Variants in ARHGAP26 observed in about 807,000 individuals in gnomAD.
ARHGAP26 encodes the protein rho GTPase-activating protein 26.
In ARHGAP26, 38 loss-of-function variants were observed where a neutral mutation model predicts 104.8. The observed-to-expected ratio is 0.36, with a 90% CI of 0.28 to 0.48. The LOEUF (loss-of-function observed/expected upper bound fraction) is 0.48, where lower values mean the gene tolerates loss of function less well. ARHGAP26 is among the 20% of genes least tolerant of loss of function. The pLI, the probability that ARHGAP26 is intolerant of heterozygous loss-of-function variation, is 0.99. For synonymous variants in ARHGAP26, 341 were observed against 340.0 expected, an observed-to-expected ratio of 1.00 and a Z score of -0.03; for missense variants, 704 against 947.9, an observed-to-expected ratio of 0.74 and a Z score of 3.38.
chr5:143,085,748 A>G (rs1206350057), intron 17 of ARHGAP26, among the ~76,000 whole-genome samples: 2 of 152,218 alleles, frequency 1.3e-5, no homozygotes, highest in African/African-American at 4.8e-5. Flanking sequence ...AGTGAGTGCC[A>G]AAAGTTAGCT....
chr5:143,062,069 C>T (rs1331108927), intron 17 of ARHGAP26, among the ~76,000 whole-genome samples: 10 of 152,170 alleles, frequency 6.6e-5, no homozygotes, highest in African/African-American at 1.2e-4. Context: ...AGACAGCCCA[C>T]GGTGTCTACA....
At chr5:142,911,235 C>A (rs1460937664) in intron 9 of ARHGAP26, among the ~76,000 whole-genome samples, 1 of 152,174 alleles carries the variant, frequency 6.6e-6, no homozygotes, top group Non-Finnish European at 1.5e-5. Flanking sequence ...TATTTTCCTG[C>A]TGCTCTCAGG....
rs1291307850 is a variant in ARHGAP26 at position 143,191,593 on chromosome 5, G to C, written c.1989-15605G>C. ...TGGGCTAAAGTAGACATTTGTTAAA[G>C]AGATCAATCTAAAGAAAATATTAAG... On this transcript the variant is annotated intron_variant, in intron 20 of 22. Transcript: ENST00000645722. Among the ~76,000 whole-genome samples, 4 of 152,168 alleles carry C rather than the reference G, an allele frequency of 2.6e-5. No homozygotes were observed. The East Asian group carries it at 7.7e-4, about 29-fold the overall frequency.
Position 142,966,848 on chromosome 5 carries a change from G to A in ARHGAP26, c.1107+34723G>A, listed in dbSNP as rs536032877. 7.2e-5 allele frequency among the ~76,000 whole-genome samples: 11 copies of A among 152,128 alleles called. No homozygotes were observed. The South Asian group carries it at 2.1e-3, about 29-fold the overall frequency. On this transcript the variant is annotated intron_variant, in intron 11 of 22. Transcript: ENST00000645722. ...TAATAATCTGTGTTTTAGCCAACAG[G>A]GCAATAAGTAAACTATGGTATGACA... is the stretch of plus-strand genomic sequence containing the variant.
intron 1 of ARHGAP26, among the ~76,000 whole-genome samples, chr5:142,865,478 G>GTTTTTTTT (rs35950662): frequency 1.7e-5 from 2 of 117,222 alleles, no homozygotes; most frequent in Non-Finnish European, 3.5e-5. Context: ...ACACGGAGAA[G>GTTTTTTTT]TTTTTTTTTT....
intron 11 of ARHGAP26, among the ~76,000 whole-genome samples, chr5:143,013,335 A>G (rs896513745): frequency 1.3e-5 from 2 of 152,210 alleles, no homozygotes; most frequent in Non-Finnish European, 2.9e-5. Flanking sequence ...CACAAAGCAT[A>G]AAATGTTAAT....
chr5:142,846,166 T>C (rs1402636509), intron 1 of ARHGAP26, among the ~76,000 whole-genome samples: 1 of 152,236 alleles, frequency 6.6e-6, no homozygotes, highest in Non-Finnish European at 1.5e-5. Context: ...AGCTGACTCA[T>C]GTTGAGTTAT....
chr5:142,943,950 C>T (rs1766743888), intron 11 of ARHGAP26, among the ~76,000 whole-genome samples: 1 of 152,122 alleles, frequency 6.6e-6, no homozygotes, highest in Non-Finnish European at 1.5e-5. Context: ...TTGAATTTTT[C>T]ATAATGCACG....
chr5:143,033,509 C>A (rs1782181187), intron 12 of ARHGAP26, among the ~76,000 whole-genome samples: 1 of 152,194 alleles, frequency 6.6e-6, no homozygotes, highest in African/African-American at 2.4e-5. Flanking sequence ...ACTGATTTGC[C>A]TCTAGAGGGT....
chr5:142,906,625 T>C (rs1761144919), intron 8 of ARHGAP26, among the ~76,000 whole-genome samples: 1 of 152,238 alleles, frequency 6.6e-6, no homozygotes. Flanking sequence ...CTTATTTATC[T>C]TGATGCTCAA....
chr5:142,863,614 C>G (rs1295293889), intron 1 of ARHGAP26, among the ~76,000 whole-genome samples: 3 of 152,126 alleles, frequency 2.0e-5, no homozygotes, highest in African/African-American at 7.2e-5. Context: ...CAGGCACGTG[C>G]TAGGAGAATA....
chr5:143,160,213 C>A lies in ARHGAP26; in HGVS notation c.1988+12832C>A, dbSNP rs532721646. ...TAGCTGGGACTACAGGTGCCCGCCA[C>A]CACACCTTGCTAATTTTTTTTATTT... On this transcript the variant is annotated intron_variant, in intron 20 of 22. Transcript: ENST00000645722. 8.5e-5 allele frequency among the ~76,000 whole-genome samples: 13 copies of A among 152,060 alleles called. No individual in the cohort carries two copies. The South Asian group carries it at 2.7e-3, about 32-fold the overall frequency.
chr5:143,140,905 A>G (rs1021522111), intron 19 of ARHGAP26, among the ~76,000 whole-genome samples: 2 of 152,234 alleles, frequency 1.3e-5, no homozygotes, highest in South Asian at 2.1e-4. Context: ...TTCAGCTTAT[A>G]TATTTCTCAT....
intron 4 of ARHGAP26, among the ~76,000 whole-genome samples, chr5:142,883,301 T>C (rs991983899): frequency 6.6e-6 from 1 of 152,182 alleles, no homozygotes; most frequent in African/African-American, 2.4e-5. Flanking sequence ...AGCGGATACA[T>C]GTGAGCAGCA....
rs1419573316 is a variant in ARHGAP26, at chr5:143,227,834, G to C, written c.*5388G>C. On this transcript the variant is annotated 3_prime_UTR_variant, in exon 23 of 23. Coordinates refer to ENST00000645722, the MANE Select transcript of ARHGAP26 (RefSeq NM_001135608.3). The stretch of plus-strand genomic sequence containing the variant: ...GGAGCTTTGGATACTTTTTTAGAAG[G>C]ATAAATATTATGCTTACTGAGGAGA... 1.4e-5 allele frequency: 3 copies of C among 216,832 alleles called. No homozygotes were observed. The highest frequency in any genetic ancestry group is 6.8e-5 in the African/African-American group (3 of 44,182). 13.4% of individuals were successfully genotyped at this position (216,832 alleles called of 1,614,324 possible).
At chr5:143,206,372 C>A in intron 20 of ARHGAP26, among the ~76,000 whole-genome samples, 1 of 152,232 alleles carries the variant, frequency 6.6e-6, no homozygotes, top group Admixed American at 6.5e-5. Context: ...AGGGCTAACA[C>A]AACCAATTAA....
chr5:143,192,903 C>T (rs1806157385), intron 20 of ARHGAP26, among the ~76,000 whole-genome samples: 1 of 152,062 alleles, frequency 6.6e-6, no homozygotes, highest in South Asian at 2.1e-4. Flanking sequence ...TCACCCTAAG[C>T]CAATACATTT....
intron 1 of ARHGAP26, among the ~76,000 whole-genome samples, chr5:142,797,443 G>A (rs1201420464): frequency 6.6e-6 from 1 of 152,216 alleles, no homozygotes; most frequent in East Asian, 1.9e-4. Flanking sequence ...AAAGGTGACT[G>A]ACTCAAGGAT....
rs1371374316 is a variant in ARHGAP26 at position 143,226,029 on chromosome 5, C to G, written c.*3583C>G. ...CAGATGAGGAGAATGAATTGGTTATCAGAGTGGAAGACCATGGCCCAGGAT... is the reference window on the plus strand; with the variant it reads ...CAGATGAGGAGAATGAATTGGTTATGAGAGTGGAAGACCATGGCCCAGGAT... On this transcript the variant is annotated 3_prime_UTR_variant, in exon 23 of 23. Transcript: ENST00000645722. The G allele has an allele frequency of 4.7e-6, 1 of 213,998 alleles. No homozygotes were observed. The highest frequency in any genetic ancestry group is 2.3e-5 in the African/African-American group (1 of 44,220). The allele number at this position is 213,998 out of a possible 1,614,324, so 13.3% of individuals were successfully genotyped here.
Sources: gnomAD v4.1 joint callset for allele counts (sites outside exome capture counted in the v4.1 genomes callset) on GRCh38, gnomAD v4.1.1 for gene constraint, MANE v1.5 for transcripts, NCBI Gene and HGNC (gene_info 2026-07-23, HGNC 2026-07-21) for gene names.